The following LRIG1 variants were observed in gnomAD, a reference collection of about 807,000 sequenced individuals.
LRIG1 encodes the protein leucine rich repeats and immunoglobulin like domains 1.
In LRIG1, 48 loss-of-function variants were observed where a neutral mutation model predicts 99.2. That is an observed-to-expected ratio of 0.48 (90% CI 0.38 to 0.62). The LOEUF (loss-of-function observed/expected upper bound fraction) is 0.62, where lower values mean the gene tolerates loss of function less well. Ranked by LOEUF, LRIG1 falls within the 20% of genes least tolerant of loss-of-function variation. The probability of loss-of-function intolerance (pLI) is 0.00; values close to 1 mark genes in which losing one functional copy is unlikely to be tolerated. For missense variants in LRIG1, 1,646 were observed against 1,434.4 expected (o/e 1.15, Z -2.38); for synonymous variants, 772 against 596.1 (o/e 1.29, Z -4.30).
intron 9 of LRIG1, among the ~76,000 whole-genome samples, chr3:66,400,973 G>A (rs1228977294): frequency 2.0e-5 from 3 of 152,046 alleles, no homozygotes; most frequent in Non-Finnish European, 4.4e-5. Flanking sequence ...CTGACCCTCC[G>A]TTTCATCAGA....
chr3:66,413,046 T>C, intron 5 of LRIG1, 32 bp from the exon 6 acceptor site: 1 of 1,613,484 alleles, frequency 6.2e-7, no homozygotes, highest in South Asian at 1.1e-5. Flanking sequence ...GGTCAGAGTG[T>C]CTTATGTGCA....
Position 66,473,039 on chromosome 3 carries a change from T to C in LRIG1, c.219-10530A>G, listed in dbSNP as rs151037113. Among the ~76,000 whole-genome samples, 183 of 151,960 alleles carry C rather than the reference T, an allele frequency of 1.2e-3. 3 individuals are homozygous for C. Among genetic ancestry groups the C allele is most frequent in the African/African-American group, 4.4e-3 (181 of 41,442 alleles). On this transcript the variant is annotated intron_variant, in intron 1 of 18. Coordinates refer to ENST00000273261, the MANE Select transcript of LRIG1 (RefSeq NM_015541.3). ...TGGTGACTCACTTCTGGACGTGTAGTGATTAGGGGTTTTTGTTGTTTTTTA... is the reference window on the plus strand; with the variant it reads ...TGGTGACTCACTTCTGGACGTGTAGCGATTAGGGGTTTTTGTTGTTTTTTA...
intron 6 of LRIG1, among the ~76,000 whole-genome samples, chr3:66,411,066 C>G (rs1702448964): frequency 6.6e-6 from 1 of 152,182 alleles, no homozygotes; most frequent in Non-Finnish European, 1.5e-5. Context: ...CATGGGGTCA[C>G]TATAAGAAGG....
At chr3:66,482,747 C>T (rs762964394) in intron 1 of LRIG1, among the ~76,000 whole-genome samples, 2 of 152,180 alleles carry the variant, frequency 1.3e-5, no homozygotes, top group Non-Finnish European at 2.9e-5. Context: ...AGAAACTTTA[C>T]AAGTTTTATG....
At chr3:66,418,995 C>T (rs1702713128) in intron 3 of LRIG1, among the ~76,000 whole-genome samples, 1 of 151,932 alleles carries the variant, frequency 6.6e-6, no homozygotes, top group South Asian at 2.1e-4. Flanking sequence ...AGTTTTCTGG[C>T]TCCAAAGGAA....
At chr3:66,404,328 G>GCTGGGGGAATC in intron 9 of LRIG1, 1 of 1,287,718 alleles carries the variant, frequency 7.8e-7, no homozygotes, top group East Asian at 5.6e-5. Context: ...CTGGGGACGG[G>GCTGGGGGAATC]CTGGGGGAAT....
chr3:66,429,503 T>C (rs955669542), intron 3 of LRIG1, among the ~76,000 whole-genome samples: 2 of 152,216 alleles, frequency 1.3e-5, no homozygotes, highest in East Asian at 3.8e-4. Flanking sequence ...TCCAAATGTA[T>C]GACATTCTGA....
chr3:66,383,965 C>T (rs1701238936), intron 14 of LRIG1, 26 bp downstream of exon 14: 1 of 1,607,486 alleles, frequency 6.2e-7, no homozygotes, highest in Non-Finnish European at 8.5e-7. Flanking sequence ...CACACACACA[C>T]ACACACAGTA....
intron 3 of LRIG1, 67 bp downstream of exon 3, chr3:66,451,492 A>G: frequency 7.4e-7 from 1 of 1,354,434 alleles, no homozygotes; most frequent in South Asian, 1.2e-5. Flanking sequence ...GCCACCAGGT[A>G]TCAGCAAGGC....
At chr3:66,391,851 A>G (rs1016412776) in intron 12 of LRIG1, among the ~76,000 whole-genome samples, 21 of 152,238 alleles carry the variant, frequency 1.4e-4, no homozygotes, top group East Asian at 1.9e-4. Context: ...ATACAATTCA[A>G]TGGTTTTTAG....
chr3:66,401,590 G>T, intron 9 of LRIG1: 2 of 1,478,796 alleles, frequency 1.4e-6, no homozygotes, highest in Non-Finnish European at 1.8e-6. Context: ...CTTGTTGGTA[G>T]ATTAGGCAGG....
intron 13 of LRIG1, among the ~76,000 whole-genome samples, 188 bp downstream of exon 13, chr3:66,385,793 T>C (rs1044103186): frequency 1.3e-5 from 2 of 152,198 alleles, no homozygotes; most frequent in East Asian, 1.9e-4. Flanking sequence ...AAGTAACTCA[T>C]TGTGAATAAC....
chr3:66,451,561 A>C lies in LRIG1; in HGVS notation c.363T>G (p.Phe121Leu). Residue 121 changes from phenylalanine to leucine, a missense_variant and splice_region_variant, in exon 3 of 19, where the codon TTT (phenylalanine) becomes TTG (leucine). Phe to Leu is a conservative substitution (Grantham distance 22, BLOSUM62 0). Transcript: ENST00000273261. ...GTCCCCCAAACGGCACCACTTACAG[A>C]AAGAGAGAGACGACATGTGATGAAG... ...GAASSHVVSL[F>L]LQHNKIRSVE... 1.9e-6 allele frequency: 3 copies of C among 1,613,998 alleles called. No homozygotes were observed. The highest frequency in any genetic ancestry group is 2.5e-6 in the Non-Finnish European group (3 of 1,179,940).
intron 4 of LRIG1, among the ~76,000 whole-genome samples, chr3:66,415,833 G>A (rs1702601144): frequency 6.6e-6 from 1 of 152,338 alleles, no homozygotes; most frequent in Middle Eastern, 3.4e-3. Context: ...TGGCATTCCT[G>A]TGAGAAGTGG....
At chr3:66,398,310 G>A in intron 10 of LRIG1, 127 bp from the exon 11 acceptor site, 1 of 683,710 alleles carries the variant, frequency 1.5e-6, no homozygotes, top group East Asian at 2.7e-5. Flanking sequence ...TACTATAAGT[G>A]GCTGTTGTTT....
intron 18 of LRIG1, 33 bp downstream of exon 18, chr3:66,380,544 C>T (rs779215755): frequency 8.1e-6 from 13 of 1,613,338 alleles, no homozygotes; most frequent in African/African-American, 1.3e-5. Flanking sequence ...AAGCAGCTCC[C>T]AACCCACCTG....
chr3:66,445,053 C>T (rs12491321), intron 3 of LRIG1, among the ~76,000 whole-genome samples: 25,535 of 151,790 alleles, frequency 0.17, 2,287 homozygotes, highest in Admixed American at 0.25. Context: ...AAAACAGCTT[C>T]GGACTACCCA....
At position 66,382,370 on chromosome 3, in the gene LRIG1, T is replaced by A. The variant is rs1701127964; in HGVS notation, c.2520A>T (p.Pro840=). The A allele has an allele frequency of 6.2e-7, 1 of 1,614,154 alleles. No homozygotes were observed. The highest frequency in any genetic ancestry group is 8.5e-7 in the Non-Finnish European group (1 of 1,180,020). ...GGGTCCCCTGAGAAGAGAGGTAGCT[T>A]GGAACATCTGGTGGCACGACGGTTT... ...TDETVVPPDV[P]SYLSSQGTLS... Residue 840 remains proline (P), a synonymous_variant, in exon 16 of 19, where the codon CCA becomes CCT. Coordinates refer to ENST00000273261, the MANE Select transcript of LRIG1 (RefSeq NM_015541.3).
intron 13 of LRIG1, among the ~76,000 whole-genome samples, chr3:66,385,611 C>A (rs1037342847): frequency 6.6e-6 from 1 of 152,130 alleles, no homozygotes; most frequent in African/African-American, 2.4e-5. Context: ...TGCCACCACA[C>A]CTGGCTAATT....
Sources: allele counts gnomAD v4.1 joint callset (sites outside exome capture counted in the v4.1 genomes callset), GRCh38; gene constraint gnomAD v4.1.1; transcripts MANE v1.5; gene names NCBI Gene and HGNC (gene_info 2026-07-23, HGNC 2026-07-21).